Variants in DMD observed in about 807,000 individuals in gnomAD.
DMD encodes the protein dystrophin, also known as mutant dystrophin.
A neutral mutation model predicts 330.1 loss-of-function variants in DMD; 63 were observed. The observed-to-expected ratio is 0.19, with a 90% CI of 0.16 to 0.24. The LOEUF is 0.24. Ranked by LOEUF, DMD falls within the 10% of genes least tolerant of loss-of-function variation. The pLI is 1.00. For synonymous variants in DMD, 1,223 were observed against 959.8 expected (o/e 1.27, Z -5.07); for missense variants, 3,344 against 2,684.1 (o/e 1.25, Z -5.43).
At chrX:31,246,522 C>T (rs2048842813) in intron 63 of DMD, among the ~76,000 whole-genome samples, 1 of 112,340 alleles carries the variant, frequency 8.9e-6, no homozygotes, top group African/African-American at 3.2e-5. Context: ...CAATGACTGC[C>T]TTCAAAGCTT....
intron 55 of DMD, among the ~76,000 whole-genome samples, chrX:31,561,262 C>T (rs1406190475): frequency 4.5e-5 from 5 of 111,986 alleles, no homozygotes. Flanking sequence ...TTGCAGCTGC[C>T]ACACTCTCCC....
intron 2 of DMD, among the ~76,000 whole-genome samples, chrX:33,010,124 GTA>G (rs751276610): frequency 3.9e-5 from 4 of 102,311 alleles, no homozygotes; most frequent in South Asian, 4.2e-4. Context: ...GCACATGTGT[GTA>G]TATATGTATA....
chrX:32,787,780 A>G (rs1177637321), intron 7 of DMD, among the ~76,000 whole-genome samples: 1 of 108,186 alleles, frequency 9.2e-6, no homozygotes, highest in East Asian at 3.0e-4. Flanking sequence ...ACTGTAATGA[A>G]TAAGGGAGGA....
At chrX:31,496,096 T>C (rs2069822024) in intron 57 of DMD, among the ~76,000 whole-genome samples, 3 of 112,072 alleles carry the variant, frequency 2.7e-5, no homozygotes, top group Admixed American at 1.9e-4. Context: ...GGGTGAAAGA[T>C]ACAGGGAAAC....
At chrX:32,035,326 A>G (rs1008637617) in intron 44 of DMD, among the ~76,000 whole-genome samples, 2 of 111,715 alleles carry the variant, frequency 1.8e-5, no homozygotes, top group African/African-American at 6.5e-5. Context: ...TATAAAAATC[A>G]CTCAATTTAG....
chrX:33,296,306 G>T (rs778887380), intron 1 of DMD, among the ~76,000 whole-genome samples: 1 of 110,810 alleles, frequency 9.0e-6, no homozygotes, highest in South Asian at 3.7e-4. Context: ...ATAATAAAAG[G>T]CAGCTTTTTA....
rs1009239155 is a variant in DMD, at chrX:32,096,126, A to C, written c.6438+120790T>G. ...GTGTCATGTGCAATCCAAATTTAAA[A>C]ATAATAAATCCCCTACCAAATACAT... On this transcript the variant is annotated intron_variant, in intron 44 of 78. Coordinates refer to ENST00000357033, the MANE Select transcript of DMD (RefSeq NM_004006.3). Among the ~76,000 whole-genome samples the C allele has an allele frequency of 6.3e-5, 7 of 111,655 alleles. No homozygotes were observed. The Admixed American group carries it at 6.6e-4, about 11-fold the overall frequency.
At chrX:31,819,127 T>C (rs2092699901) in intron 50 of DMD, among the ~76,000 whole-genome samples, 1 of 112,039 alleles carries the variant, frequency 8.9e-6, no homozygotes, top group Non-Finnish European at 1.9e-5. Flanking sequence ...TCTGGCCTCT[T>C]TCCCCTGAGA....
chrX:32,658,755 G>C (rs1477209662), intron 9 of DMD, among the ~76,000 whole-genome samples: 2 of 111,032 alleles, frequency 1.8e-5, no homozygotes, highest in African/African-American at 6.6e-5. Context: ...CTCCATTGCT[G>C]TATATAACAA....
In DMD at chrX:32,823,501, C is replaced by T. The variant is rs915316274; in HGVS notation, c.265-114G>A. 8 of 534,662 alleles carry T rather than the reference C, an allele frequency of 1.5e-5. No homozygotes were observed. The African/African-American group carries it at 1.9e-4, about 13-fold the overall frequency. 44.1% of individuals were successfully genotyped at this position (534,662 alleles called of 1,213,427 possible). A position where few individuals can be genotyped will look rare whatever the true frequency, so the allele number is the denominator to read the frequency against. ...CATTTAGCTATTTTCAGAGACTTAG[C>T]ATTGAAGCTTTTTGAAAATAATCTA... On this transcript the variant is annotated intron_variant, in intron 4 of 78. Transcript: ENST00000357033.
At chrX:32,216,848 TAAG>T in intron 44 of DMD, 65 bp downstream of exon 44, 1 of 1,033,935 alleles carries the variant, frequency 9.7e-7, no homozygotes, top group South Asian at 2.0e-5. Flanking sequence ...ACCTGATCTT[TAAG>T]AAGTTAAAGA....
At chrX:31,646,065 G>A (rs1294915617) in intron 54 of DMD, among the ~76,000 whole-genome samples, 2 of 112,012 alleles carry the variant, frequency 1.8e-5, no homozygotes, top group African/African-American at 3.2e-5. Context: ...TCACCAACCT[G>A]TTCCTGAATA....
chrX:32,538,579 G>C (rs771924744), intron 17 of DMD, among the ~76,000 whole-genome samples: 39 of 111,146 alleles, frequency 3.5e-4, no homozygotes, highest in African/African-American at 9.2e-4. Flanking sequence ...CTCTTCACAC[G>C]GACATACGTG....
chrX:32,793,921 C>T (rs2076003068), intron 7 of DMD, among the ~76,000 whole-genome samples: 1 of 111,287 alleles, frequency 9.0e-6, no homozygotes, highest in Non-Finnish European at 1.9e-5. Flanking sequence ...TGATGCCAAA[C>T]CCAGACAATT....
intron 1 of DMD, among the ~76,000 whole-genome samples, chrX:33,230,714 A>G (rs2052373326): frequency 9.0e-6 from 1 of 110,720 alleles, no homozygotes; most frequent in Non-Finnish European, 1.9e-5. Flanking sequence ...GCTCTTAATT[A>G]TTTGTTTCCA....
intron 44 of DMD, among the ~76,000 whole-genome samples, chrX:32,148,916 C>T (rs2147141153): frequency 9.0e-6 from 1 of 111,443 alleles, no homozygotes; most frequent in Middle Eastern, 4.7e-3. Context: ...AAATGGTTTC[C>T]GAGCATTACA....
At chrX:32,771,565 C>A (rs939155392) in intron 7 of DMD, among the ~76,000 whole-genome samples, 4 of 109,502 alleles carry the variant, frequency 3.7e-5, no homozygotes, top group Non-Finnish European at 5.7e-5. Flanking sequence ...CGGCTTTTTT[C>A]AAACTACTAT....
chrX:31,871,770 T>G (rs915342041), intron 48 of DMD, among the ~76,000 whole-genome samples: 4 of 110,330 alleles, frequency 3.6e-5, no homozygotes, highest in African/African-American at 1.3e-4. Context: ...AAATTTTATT[T>G]TTGGTGTTCA....
chrX:31,971,386 T>C (rs1269963352), intron 44 of DMD, among the ~76,000 whole-genome samples: 1 of 111,977 alleles, frequency 8.9e-6, no homozygotes, highest in East Asian at 2.8e-4. Flanking sequence ...TATTTCGGTT[T>C]CCCAAATAAG....
Sources: allele counts gnomAD v4.1 joint callset (sites outside exome capture counted in the v4.1 genomes callset), GRCh38; gene constraint gnomAD v4.1.1; transcripts MANE v1.5; gene names NCBI Gene and HGNC (gene_info 2026-07-23, HGNC 2026-07-21).